Variants in TASP1 observed in about 807,000 individuals in gnomAD.
TASP1 encodes taspase 1.
In TASP1, 16 loss-of-function variants were observed where a neutral mutation model predicts 56.6. The observed-to-expected ratio is 0.28, with a 90% CI of 0.19 to 0.43. The LOEUF is 0.43. Among genes scored for constraint, TASP1 ranks in the 20% least tolerant of loss-of-function variants. TASP1 has a pLI of 1.00. For missense variants in TASP1, 393 were observed against 511.6 expected (o/e 0.77, Z 2.24); for synonymous variants, 179 against 184.2 (o/e 0.97, Z 0.23).
the TASP1 span, among the ~76,000 whole-genome samples, chr20:13,255,781 CA>C: frequency 6.6e-6 from 1 of 152,166 alleles, no homozygotes; most frequent in African/African-American, 2.4e-5. Context: ...ACAAATTGTA[CA>C]ATGTACATGG....
intron 13 of TASP1, among the ~76,000 whole-genome samples, chr20:13,410,838 C>A (rs1256641346): frequency 1.3e-5 from 2 of 152,038 alleles, no homozygotes; most frequent in East Asian, 1.9e-4. Context: ...TAATAAGAGT[C>A]CTATTTGTCT....
At chr20:13,598,338 T>C (rs1465946557) in intron 4 of TASP1, among the ~76,000 whole-genome samples, 1 of 152,138 alleles carries the variant, frequency 6.6e-6, no homozygotes, top group African/African-American at 2.4e-5. Flanking sequence ...AACAGATATA[T>C]AGACCAATGG....
the TASP1 span, chr20:13,279,559 G>C: frequency 6.9e-7 from 1 of 1,443,216 alleles, no homozygotes; most frequent in African/African-American, 1.4e-5. Context: ...TGCCCTCTCA[G>C]ACTTTCTTCC....
intron 4 of TASP1, among the ~76,000 whole-genome samples, chr20:13,590,567 C>T (rs956602123): frequency 6.6e-6 from 1 of 151,912 alleles, no homozygotes; most frequent in African/African-American, 2.4e-5. Flanking sequence ...GGAAAGAAAA[C>T]ACAACTGTAA....
the TASP1 span, among the ~76,000 whole-genome samples, chr20:13,340,314 G>A: frequency 1.7e-4 from 26 of 152,202 alleles, no homozygotes; most frequent in African/African-American, 5.8e-4. Flanking sequence ...TTGCAACACC[G>A]AACCAATGCC....
At chr20:13,231,013 TTCTC>T in the TASP1 span, among the ~76,000 whole-genome samples, 1 of 152,202 alleles carries the variant, frequency 6.6e-6, no homozygotes, top group Non-Finnish European at 1.5e-5. Context: ...TTCTGGCTCT[TTCTC>T]TTCCCTGCCT....
downstream of TASP1, among the ~76,000 whole-genome samples, chr20:13,389,221 G>A (rs942875848): frequency 1.3e-5 from 2 of 152,122 alleles, no homozygotes; most frequent in African/African-American, 4.8e-5. Flanking sequence ...AGAAATTTTA[G>A]GGACTTCCAT....
At chr20:13,218,204 T>C in the TASP1 span, among the ~76,000 whole-genome samples, 1 of 145,688 alleles carries the variant, frequency 6.9e-6, no homozygotes, top group Non-Finnish European at 1.5e-5. Context: ...TGAGCTGAGA[T>C]CGCACCACTA....
chr20:13,340,385 C>T, the TASP1 span, among the ~76,000 whole-genome samples: 1 of 152,138 alleles, frequency 6.6e-6, no homozygotes, highest in Non-Finnish European at 1.5e-5. Flanking sequence ...CTTATTTCAA[C>T]GACTACTGAT....
chr20:13,621,716 T>C (rs2048724603), intron 4 of TASP1, among the ~76,000 whole-genome samples: 1 of 152,164 alleles, frequency 6.6e-6, no homozygotes, highest in Admixed American at 6.5e-5. Context: ...GATTCAACAC[T>C]AGGGGAAAAT....
At chr20:13,210,802 C>T in the TASP1 span, among the ~76,000 whole-genome samples, 19 of 151,812 alleles carry the variant, frequency 1.3e-4, no homozygotes, top group African/African-American at 3.6e-4. Flanking sequence ...TATAAGTAAC[C>T]GAAATCTTCT....
At chr20:13,111,714 C>T in the TASP1 span, among the ~76,000 whole-genome samples, 1 of 152,128 alleles carries the variant, frequency 6.6e-6, no homozygotes, top group Non-Finnish European at 1.5e-5. Flanking sequence ...GGCCTAGATT[C>T]GTGGGAACAC....
chr20:13,418,597 A>G (rs1265309743), intron 12 of TASP1, among the ~76,000 whole-genome samples: 1 of 152,242 alleles, frequency 6.6e-6, no homozygotes, highest in Non-Finnish European at 1.5e-5. Flanking sequence ...TGCTAAAACT[A>G]GTAGGTGGAA....
chr20:13,394,006 C>A (rs1054533786), intron 13 of TASP1, among the ~76,000 whole-genome samples: 2 of 152,060 alleles, frequency 1.3e-5, no homozygotes, highest in African/African-American at 4.8e-5. Flanking sequence ...TTTGGACGGG[C>A]GTGGTGGCTC....
chr20:13,588,005 T>C (rs2047370859), intron 4 of TASP1, among the ~76,000 whole-genome samples: 1 of 152,052 alleles, frequency 6.6e-6, no homozygotes, highest in African/African-American at 2.4e-5. Context: ...TATGCATCTG[T>C]GGTGCCAGCT....
At chr20:13,164,932 G>A in the TASP1 span, 3 of 1,351,808 alleles carry the variant, frequency 2.2e-6, no homozygotes, top group Non-Finnish European at 3.1e-6. Flanking sequence ...GCCTCACAAG[G>A]AATATAAATG....
At chr20:13,431,600 G>A (rs1490801862) in intron 12 of TASP1, among the ~76,000 whole-genome samples, 1 of 152,146 alleles carries the variant, frequency 6.6e-6, no homozygotes, top group Non-Finnish European at 1.5e-5. Flanking sequence ...CAGAGGTTGA[G>A]GTGAGGTAGG....
chr20:13,384,044 C>T, the TASP1 span, among the ~76,000 whole-genome samples: 2 of 152,134 alleles, frequency 1.3e-5, no homozygotes, highest in African/African-American at 4.8e-5. Context: ...GAAAAGAACA[C>T]ATGTTTTTCT....
At chr20:13,361,105 T>A in the TASP1 span, among the ~76,000 whole-genome samples, 2 of 152,076 alleles carry the variant, frequency 1.3e-5, no homozygotes, top group African/African-American at 4.8e-5. Flanking sequence ...CCTCAGGGAT[T>A]ATTCAGGCCC....
Sources: allele counts gnomAD v4.1 joint callset (sites outside exome capture counted in the v4.1 genomes callset), GRCh38; gene constraint gnomAD v4.1.1; transcripts MANE v1.5; gene names NCBI Gene and HGNC (gene_info 2026-07-23, HGNC 2026-07-21).